GALNTL6: variants seen among roughly 807,000 people sequenced by gnomAD.
GALNTL6 encodes the protein polypeptide N-acetylgalactosaminyltransferase like 6, also known as polypeptide N-acetylgalactosaminyltransferase-like 6.
In GALNTL6, 46 loss-of-function variants were observed where a neutral mutation model predicts 73.7. The observed-to-expected ratio is 0.62, with a 90% CI of 0.49 to 0.80. The LOEUF (loss-of-function observed/expected upper bound fraction) is 0.80, where lower values mean the gene tolerates loss of function less well. Ranked by LOEUF, GALNTL6 falls within the 30% of genes least tolerant of loss-of-function variation. The probability of loss-of-function intolerance (pLI) is 0.00; values close to 1 mark genes in which losing one functional copy is unlikely to be tolerated. For synonymous variants in GALNTL6, 259 were observed against 263.7 expected (o/e 0.98, Z 0.17); for missense variants, 604 against 755.0 (o/e 0.80, Z 2.34).
chr4:172,678,875 T>C (rs1732459975), intron 5 of GALNTL6, among the ~76,000 whole-genome samples: 1 of 152,144 alleles, frequency 6.6e-6, no homozygotes, highest in Non-Finnish European at 1.5e-5. Context: ...GATTTCATGG[T>C]CTAAAGTAGA....
chr4:171,904,719 A>T (rs1250898495), intron 2 of GALNTL6, among the ~76,000 whole-genome samples: 3 of 152,202 alleles, frequency 2.0e-5, no homozygotes, highest in African/African-American at 7.2e-5. Flanking sequence ...GAAATGAAGG[A>T]AAAAATGTTA....
chr4:172,440,841 T>C (rs1163885263), intron 5 of GALNTL6, among the ~76,000 whole-genome samples: 2 of 152,130 alleles, frequency 1.3e-5, no homozygotes, highest in Admixed American at 1.3e-4. Flanking sequence ...CATAAAAGCT[T>C]TTATATAGAA....
chr4:172,349,830 A>AAT (rs1554016264), intron 5 of GALNTL6, among the ~76,000 whole-genome samples: 6,580 of 99,460 alleles, frequency 0.066, 176 homozygotes, highest in Middle Eastern at 0.13. Flanking sequence ...ATTAAAAAAA[A>AAT]ATATATATAT....
intron 7 of GALNTL6, among the ~76,000 whole-genome samples, chr4:172,846,023 A>C (rs1743488857): frequency 6.6e-6 from 1 of 152,218 alleles, no homozygotes; most frequent in South Asian, 2.1e-4. Flanking sequence ...TAACAATCTA[A>C]ATGTCCACAA....
At chr4:172,543,832 G>A (rs1262839922) in intron 5 of GALNTL6, among the ~76,000 whole-genome samples, 1 of 152,200 alleles carries the variant, frequency 6.6e-6, no homozygotes, top group Non-Finnish European at 1.5e-5. Flanking sequence ...TGAAGATGTT[G>A]AAGATGAAGA....
At chr4:172,742,996 A>T (rs1736890633) in intron 5 of GALNTL6, among the ~76,000 whole-genome samples, 1 of 152,048 alleles carries the variant, frequency 6.6e-6, no homozygotes. Flanking sequence ...CCAATTAATC[A>T]TGCTCAGCTC....
At chr4:172,947,294 G>A (rs568698512) in intron 9 of GALNTL6, among the ~76,000 whole-genome samples, 1 of 152,172 alleles carries the variant, frequency 6.6e-6, no homozygotes, top group Admixed American at 6.5e-5. Context: ...ACAGCAAGCT[G>A]GGGGCAAGAT....
At chr4:172,761,466 T>C (rs1738082111) in intron 5 of GALNTL6, among the ~76,000 whole-genome samples, 1 of 152,220 alleles carries the variant, frequency 6.6e-6, no homozygotes, top group African/African-American at 2.4e-5. Context: ...GTTTATTTGA[T>C]GTCTATATGT....
chr4:172,926,273 C>G (rs1748053149), intron 8 of GALNTL6, among the ~76,000 whole-genome samples: 1 of 152,132 alleles, frequency 6.6e-6, no homozygotes, highest in African/African-American at 2.4e-5. Context: ...TTAATCACCT[C>G]CCAAGGACCC....
intron 4 of GALNTL6, among the ~76,000 whole-genome samples, chr4:172,346,617 A>G (rs1158160783): frequency 6.6e-6 from 1 of 152,192 alleles, no homozygotes; most frequent in Non-Finnish European, 1.5e-5. Flanking sequence ...TTCATTTTAA[A>G]ATTGTAACTA....
intron 5 of GALNTL6, among the ~76,000 whole-genome samples, chr4:172,726,760 G>A (rs931731979): frequency 2.4e-4 from 36 of 152,248 alleles, no homozygotes; most frequent in Admixed American, 1.2e-3. Flanking sequence ...AGTGTTCTAG[G>A]AGCTTGAAAT....
At chr4:172,802,950 AC>A (rs1245821616) in intron 5 of GALNTL6, among the ~76,000 whole-genome samples, 16 of 152,262 alleles carry the variant, frequency 1.1e-4, no homozygotes, top group Admixed American at 9.8e-4. Flanking sequence ...TTAATGACTT[AC>A]GTTTTTAGAC....
chr4:171,877,186 G>A (rs899371548), intron 2 of GALNTL6, among the ~76,000 whole-genome samples: 6 of 152,060 alleles, frequency 3.9e-5, no homozygotes, highest in South Asian at 4.1e-4. Flanking sequence ...TTCTCTCAGA[G>A]GTCCATAGAC....
chr4:172,681,004 T>C (rs1455625927), intron 5 of GALNTL6, among the ~76,000 whole-genome samples: 2 of 152,162 alleles, frequency 1.3e-5, no homozygotes, highest in African/African-American at 4.8e-5. Context: ...GGATTCCATG[T>C]TACTGACAGG....
At chr4:172,386,590 G>C (rs888466244) in intron 5 of GALNTL6, among the ~76,000 whole-genome samples, 2 of 152,242 alleles carry the variant, frequency 1.3e-5, no homozygotes, top group African/African-American at 4.8e-5. Flanking sequence ...TAAGCTGCAA[G>C]CTGGAGAACC....
intron 2 of GALNTL6, among the ~76,000 whole-genome samples, chr4:172,095,829 C>T (rs954062738): frequency 3.3e-5 from 5 of 151,082 alleles, no homozygotes; most frequent in African/African-American, 7.3e-5. Context: ...AAGAATTTTC[C>T]CCACCTAGAA....
At chr4:172,868,215 T>C (rs1425167000) in intron 7 of GALNTL6, among the ~76,000 whole-genome samples, 1 of 152,148 alleles carries the variant, frequency 6.6e-6, no homozygotes, top group Admixed American at 6.6e-5. Context: ...ATGATTCAAA[T>C]CCTGCAAAGT....
At chr4:172,312,633 CTAAT>C (rs1740402932) in intron 4 of GALNTL6, among the ~76,000 whole-genome samples, 1 of 152,058 alleles carries the variant, frequency 6.6e-6, no homozygotes, top group South Asian at 2.1e-4. Flanking sequence ...ATCAGGGCAA[CTAAT>C]TAAAATAAGA....
chr4:172,678,051 G>C (rs1021823633), intron 5 of GALNTL6, among the ~76,000 whole-genome samples: 1 of 152,182 alleles, frequency 6.6e-6, no homozygotes, highest in African/African-American at 2.4e-5. Context: ...TCTAATTCAT[G>C]TGCGTGTCTT....
Sources: gnomAD v4.1 joint callset for allele counts (sites outside exome capture counted in the v4.1 genomes callset) on GRCh38, gnomAD v4.1.1 for gene constraint, MANE v1.5 for transcripts, NCBI Gene and HGNC (gene_info 2026-07-23, HGNC 2026-07-21) for gene names.